The following ZNF644 variants were observed in gnomAD, a reference collection of about 807,000 sequenced individuals.
ZNF644 encodes the protein zinc finger motif enhancer binding protein 2.
Under a neutral mutation model 108.0 loss-of-function variants are expected in ZNF644, and 20 were observed. That is an observed-to-expected ratio of 0.19 (90% confidence interval 0.13 to 0.27). ZNF644 has a LOEUF of 0.27. Ranked by LOEUF, ZNF644 falls within the 10% of genes least tolerant of loss-of-function variation. ZNF644 has a pLI of 1.00. For missense variants in ZNF644, 1,338 were observed against 1,548.9 expected, an observed-to-expected ratio of 0.86 and a Z score of 2.29; for synonymous variants, 542 against 539.1, an observed-to-expected ratio of 1.01 and a Z score of -0.08.
intron 4 of ZNF644, among the ~76,000 whole-genome samples, chr1:90,919,065 T>C (rs1322727402): frequency 6.6e-6 from 1 of 152,120 alleles, no homozygotes; most frequent in Non-Finnish European, 1.5e-5. Context: ...TTATTTATTC[T>C]AAAACAACCT....
chr1:90,992,296 T>C (rs1657712840), intron 1 of ZNF644, among the ~76,000 whole-genome samples: 1 of 150,808 alleles, frequency 6.6e-6, no homozygotes, highest in South Asian at 2.1e-4. Flanking sequence ...TATACTTCAA[T>C]AAATCTGTTA....
chr1:90,993,531 T>C (rs560475241), intron 1 of ZNF644, among the ~76,000 whole-genome samples: 1 of 152,314 alleles, frequency 6.6e-6, no homozygotes, highest in Non-Finnish European at 1.5e-5. Context: ...TACACAATAA[T>C]TAGCTAACTG....
intron 2 of ZNF644, among the ~76,000 whole-genome samples, chr1:90,972,251 G>C (rs1655567528): frequency 6.6e-6 from 1 of 151,966 alleles, no homozygotes; most frequent in African/African-American, 2.4e-5. Flanking sequence ...ATCTAACAAG[G>C]GATTAATATC....
At chr1:90,943,752 C>T (rs1557579887) in intron 2 of ZNF644, among the ~76,000 whole-genome samples, 1 of 152,134 alleles carries the variant, frequency 6.6e-6, no homozygotes. Context: ...GTCTCTACAT[C>T]ACATACACAG....
At chr1:90,945,652 C>T (rs946455205) in intron 2 of ZNF644, among the ~76,000 whole-genome samples, 2 of 152,082 alleles carry the variant, frequency 1.3e-5, no homozygotes, top group Admixed American at 6.6e-5. Context: ...TCTGTAATCC[C>T]TCTGAGCAAG....
chr1:90,937,777 T>C lies in ZNF644; in HGVS notation c.3396A>G (p.Leu1132=), dbSNP rs370720992. Residue 1132 remains leucine, a synonymous_variant, in exon 4 of 6, where the codon CTA becomes CTG. Transcript: ENST00000337393. ...VIPLEAYRNG[L]KTEALSVSAS... ...CAGACACTGACAGAGCTTCAGTCTTTAGGCCATTACGGTATGCTTCAAGAG... is the reference window on the plus strand; with the variant it reads ...CAGACACTGACAGAGCTTCAGTCTTCAGGCCATTACGGTATGCTTCAAGAG... The C allele has an allele frequency of 2.8e-4, 456 of 1,613,800 alleles. No homozygotes were observed. Among genetic ancestry groups the C allele is most frequent in the Non-Finnish European group, 3.3e-4 (391 of 1,179,900 alleles).
chr1:91,011,463 T>C (rs1659955972), intron 1 of ZNF644, among the ~76,000 whole-genome samples: 1 of 152,194 alleles, frequency 6.6e-6, no homozygotes, highest in Non-Finnish European at 1.5e-5. Context: ...ATAATACCCA[T>C]TTCAGAAAAA....
intron 1 of ZNF644, among the ~76,000 whole-genome samples, chr1:91,006,781 C>T (rs964045479): frequency 1.3e-5 from 2 of 150,368 alleles, no homozygotes; most frequent in African/African-American, 4.9e-5. Context: ...TGTAATGCAT[C>T]CTACTTTCTG....
Position 90,935,377 on chromosome 1 carries a change from C to G in ZNF644, c.3688+2108G>C, listed in dbSNP as rs902742341. 2.1e-5 allele frequency: 21 copies of G among 985,684 alleles called. No individual in the cohort carries two copies. In the African/African-American group the frequency reaches 3.7e-4, roughly 17 times the overall value. The allele number at this position is 985,684 out of a possible 1,614,324, so 61.1% of individuals were successfully genotyped here. On this transcript the variant is annotated intron_variant, in intron 4 of 5. Coordinates refer to ENST00000337393, the MANE Select transcript of ZNF644 (RefSeq NM_201269.3). ...GAAAAAAAAAGTGTATTGTATCAAA[C>G]AGACTTGCTGTGATATCTGTTCAAA...
rs67549954 is a variant in ZNF644, at chr1:90,966,747, CAA to C, written c.44+15561_44+15562del. Among the ~76,000 whole-genome samples, 270 of 73,872 alleles carry C rather than the reference CAA, an allele frequency of 3.7e-3. 3 individuals carry two copies. Among genetic ancestry groups the C allele is most frequent in the East Asian group, 0.024 (49 of 2,076 alleles). 48.5% of individuals were successfully genotyped at this position (73,872 alleles called of 152,430 possible). ...TATGGGTGACAGTGAGACTCAGTCT[CAA>C]AAAAAAAAAAAAAAAAAAAAATCTG... On this transcript the variant is annotated intron_variant, in intron 2 of 5. Transcript: ENST00000337393.
At chr1:90,998,591 G>C (rs926215711) in intron 1 of ZNF644, among the ~76,000 whole-genome samples, 1 of 152,204 alleles carries the variant, frequency 6.6e-6, no homozygotes, top group African/African-American at 2.4e-5. Flanking sequence ...AAACCACAAA[G>C]ATGGGGAAAG....
chr1:90,992,709 C>T (rs903114369), intron 1 of ZNF644, among the ~76,000 whole-genome samples: 7 of 152,176 alleles, frequency 4.6e-5, no homozygotes, highest in Non-Finnish European at 1.0e-4. Flanking sequence ...TGTTTCACCT[C>T]GTTATCCATG....
intron 2 of ZNF644, among the ~76,000 whole-genome samples, chr1:90,947,077 G>A (rs1652594089): frequency 6.6e-6 from 1 of 152,082 alleles, no homozygotes; most frequent in African/African-American, 2.4e-5. Flanking sequence ...TTAAAGACAT[G>A]GCAAAATTAT....
chr1:90,951,552 C>G (rs1383791928), intron 2 of ZNF644, among the ~76,000 whole-genome samples: 1 of 152,112 alleles, frequency 6.6e-6, no homozygotes, highest in Non-Finnish European at 1.5e-5. Context: ...CATCTTGGTT[C>G]AAGTCTTTGC....
intron 1 of ZNF644, among the ~76,000 whole-genome samples, chr1:91,007,153 T>C (rs554010252): frequency 2.0e-4 from 31 of 151,702 alleles, no homozygotes; most frequent in Non-Finnish European, 3.1e-4. Context: ...TGAGCATTCA[T>C]GAGCCCTTTC....
At chr1:90,935,992 C>A (rs1651275989) in intron 4 of ZNF644, among the ~76,000 whole-genome samples, 1 of 152,170 alleles carries the variant, frequency 6.6e-6, no homozygotes, top group African/African-American at 2.4e-5. Flanking sequence ...CTAAATTAGG[C>A]TTTCTGATGA....
At chr1:90,996,513 A>T (rs1379710363) in intron 1 of ZNF644, among the ~76,000 whole-genome samples, 1 of 152,220 alleles carries the variant, frequency 6.6e-6, no homozygotes, top group Non-Finnish European at 1.5e-5. Flanking sequence ...GATCAGGCCC[A>T]GTGGCTTATG....
chr1:90,951,291 G>A (rs1034852176), intron 2 of ZNF644, among the ~76,000 whole-genome samples: 3 of 152,022 alleles, frequency 2.0e-5, no homozygotes, highest in Non-Finnish European at 4.4e-5. Flanking sequence ...GTTTTTCTCA[G>A]ATAAAAAAGG....
intron 1 of ZNF644, among the ~76,000 whole-genome samples, chr1:91,005,217 C>T (rs1303206052): frequency 4.6e-5 from 7 of 151,922 alleles, no homozygotes; most frequent in South Asian, 2.1e-4. Context: ...GACATTAAGA[C>T]AAAAAATTGC....
Sources: gnomAD v4.1 joint callset for allele counts (sites outside exome capture counted in the v4.1 genomes callset) on GRCh38, gnomAD v4.1.1 for gene constraint, MANE v1.5 for transcripts, NCBI Gene and HGNC (gene_info 2026-07-23, HGNC 2026-07-21) for gene names.